ARAF: variants seen among roughly 807,000 people sequenced by gnomAD.
ARAF encodes the protein serine/threonine-protein kinase A-Raf.
ARAF carries 18 observed loss-of-function variants against 48.0 expected under a neutral mutation model. The ratio of observed to expected loss-of-function variants is 0.37; its 90% CI spans 0.26 to 0.56. The LOEUF (loss-of-function observed/expected upper bound fraction) is 0.56, where lower values mean the gene tolerates loss of function less well. ARAF is among the 20% of genes least tolerant of loss of function. ARAF has a pLI of 0.77. For synonymous variants in ARAF, 207 were observed against 220.1 expected (o/e 0.94, Z 0.53); for missense variants, 389 against 543.1 (o/e 0.72, Z 2.82).
chrX:47,570,631 C>T (rs1347468310), intron 14 of ARAF, among the ~76,000 whole-genome samples: 1 of 110,753 alleles, frequency 9.0e-6, no homozygotes, highest in Non-Finnish European at 1.9e-5. Flanking sequence ...CTCCTAGAAA[C>T]CCGTGGGCCT....
intron 3 of ARAF, 53 bp downstream of exon 3, chrX:47,563,382 T>A: frequency 1.1e-6 from 1 of 942,596 alleles, no homozygotes; most frequent in Non-Finnish European, 1.5e-6. Context: ...TCCCATCCCC[T>A]CCTCAGTCAT....
intron 1 of ARAF, among the ~76,000 whole-genome samples, chrX:47,562,378 A>G (rs1307583332): frequency 1.9e-5 from 2 of 107,602 alleles, no homozygotes; most frequent in Admixed American, 1.0e-4. Flanking sequence ...CCAGCTACTC[A>G]GGAGGCTGAG....
At chrX:47,564,723 G>A in intron 3 of ARAF, 74 bp from the exon 4 acceptor site, 1 of 841,956 alleles carries the variant, frequency 1.2e-6, no homozygotes, top group Non-Finnish European at 1.7e-6. Context: ...GGCTTGGAGG[G>A]ACTTGTGGGG....
In ARAF at chrX:47,567,035, C is replaced by T. The variant is rs780996530; in HGVS notation, c.777C>T (p.Ser259=). ...GSDGTPRGSP[S]PASVSSGRKS... is the part of the protein sequence containing the mutation. ...ATGGAACCCCCCGGGGGAGCCCCAG[C>T]CCAGCCAGCGTGTCCTCGGGGAGGA... is the stretch of plus-strand genomic sequence containing the variant. Residue 259 remains serine, a synonymous_variant, in exon 9 of 16, where the codon AGC becomes AGT. Transcript: ENST00000377045. The T allele has an allele frequency of 1.2e-5, 14 of 1,210,240 alleles. No homozygotes were observed. The highest frequency in any genetic ancestry group is 1.8e-5 in the South Asian group (1 of 56,867).
rs746691883 is a variant in ARAF, at chrX:47,566,898, T to A, written c.714T>A (p.Ser238Arg). 8.3e-7 allele frequency: 1 copy of A among 1,210,820 alleles called. No homozygotes were observed. Among genetic ancestry groups the A allele is most frequent in the Middle Eastern group, 2.3e-4 (1 of 4,352 alleles). The change falls in exon 8 of 16, where the codon AGT becomes AGA. Residue 238 changes from serine to arginine, a missense_variant. Transcript: ENST00000377045. ...DSNLIQLTGQ[S>R]FSTDAAGSRG... ...TCTTCTTCTAGCTCACTGGCCAGAG[T>A]TTCAGCACTGATGGTGAGTCCCCTG...
Position 47,563,280 on chromosome X carries a change from G to T in ARAF, c.151G>T (p.Val51Leu), listed in dbSNP as rs1214099265. The change falls in exon 3 of 16, where the codon GTG becomes TTG. Residue 51 changes from valine (V) to leucine (L), a missense_variant. Physicochemically the swap from Val to Leu is conservative, Grantham distance 32. Coordinates refer to ENST00000377045, the MANE Select transcript of ARAF (RefSeq NM_001654.5). The stretch of plus-strand genomic sequence containing the variant: ...CGACTCTCTAGACAAGGCCCTGAAG[G>T]TGCGGGGTCTAAATCAGGACTGCTG... ...VYDSLDKALKVRGLNQDCCVV... is the reference protein window; with the variant it reads ...VYDSLDKALKLRGLNQDCCVV... 1 of 1,211,220 alleles carries T rather than the reference G, an allele frequency of 8.3e-7. No individual in the cohort carries two copies. The highest frequency in any genetic ancestry group is 1.8e-5 in the South Asian group (1 of 56,691).
chrX:47,566,542 G>T, intron 6 of ARAF, 97 bp from the exon 7 acceptor site: 1 of 927,804 alleles, frequency 1.1e-6, no homozygotes, highest in Non-Finnish European at 1.4e-6. Context: ...CATTCGCTCT[G>T]TGTGAGCCAA....
In ARAF at chrX:47,566,682, GCCCCAGCCAATGC is replaced by G; in HGVS notation, c.606_618del (p.Ala203TyrfsTer85). ...TGACCCGGAGCACTTCCCCTTCCCT[GCCCCAGCCAATGC>G]CCCCCTACAGCGCATCCGCTCCACG... is the stretch of plus-strand genomic sequence containing the variant. On this transcript the variant is annotated frameshift_variant, in exon 7 of 16. Coordinates refer to ENST00000377045, the MANE Select transcript of ARAF (RefSeq NM_001654.5). LOFTEE classifies it high-confidence loss of function. 1 of 1,192,227 alleles carries G rather than the reference GCCCCAGCCAATGC, an allele frequency of 8.4e-7. No homozygotes were observed. Among genetic ancestry groups the G allele is most frequent in the Non-Finnish European group, 1.1e-6 (1 of 884,965 alleles).
intron 1 of ARAF, among the ~76,000 whole-genome samples, chrX:47,562,533 G>A (rs912967711): frequency 9.5e-6 from 1 of 105,055 alleles, no homozygotes; most frequent in Non-Finnish European, 2.0e-5. Context: ...AGGACATTCT[G>A]TTCGTGCTTC....
rs780124992 is a variant in ARAF at position 47,565,376 on chromosome X, G to T, written c.557+26G>T. ...GTAGGGATGCCTTAGCTGAAGAGCT[G>T]CTGGGGGAGAAAAAGATCTTGGGGC... On this transcript the variant is annotated intron_variant, in intron 6 of 15. Coordinates refer to ENST00000377045, the MANE Select transcript of ARAF (RefSeq NM_001654.5). 6 of 1,198,189 alleles carry T rather than the reference G, an allele frequency of 5.0e-6. 1 individual carries two copies. The South Asian group carries it at 5.4e-5, about 11-fold the overall frequency.
chrX:47,564,750 T>C, intron 3 of ARAF, 47 bp from the exon 4 acceptor site: 1 of 1,076,924 alleles, frequency 9.3e-7, no homozygotes, highest in East Asian at 3.3e-5. Context: ...TGCCTCCCCA[T>C]GGCCCCTACC....
At position 47,571,634 on chromosome X, in the gene ARAF, C is replaced by A; in HGVS notation, c.*177C>A. ...AGTTCTTCTGGAATTGGGGGACCCC[C>A]GCCAAAGACTGAGCCCCCTGTCTCC... On this transcript the variant is annotated 3_prime_UTR_variant, in exon 16 of 16. Transcript: ENST00000377045. The A allele has an allele frequency of 3.0e-6, 2 of 659,772 alleles. No individual in the cohort carries two copies. The highest frequency in any genetic ancestry group is 4.3e-6 in the Non-Finnish European group (2 of 462,377). The allele number at this position is 659,772 out of a possible 1,213,427, so 54.4% of individuals were successfully genotyped here.
Position 47,571,085 on chromosome X carries a change from T to G in ARAF, c.1686+73T>G, listed in dbSNP as rs2057753954. 14 of 1,123,656 alleles carry G rather than the reference T, an allele frequency of 1.2e-5. No homozygotes were observed. In the South Asian group the frequency reaches 2.2e-4, roughly 18 times the overall value. 92.6% of individuals were successfully genotyped at this position (1,123,656 alleles called of 1,213,427 possible). A position where few individuals can be genotyped will look rare whatever the true frequency, so the allele number is the denominator to read the frequency against. Reference sequence around the variant, plus strand: ...AGAGGAAGACTGAGATGGAGGCAGATGTGAATATGAAAGCTCAGAGGTATA... The same window carrying G: ...AGAGGAAGACTGAGATGGAGGCAGAGGTGAATATGAAAGCTCAGAGGTATA... On this transcript the variant is annotated intron_variant, in intron 15 of 15. Coordinates refer to ENST00000377045, the MANE Select transcript of ARAF (RefSeq NM_001654.5).
chrX:47,571,254 C>T, intron 15 of ARAF, 69 bp from the exon 16 acceptor site: 1 of 1,091,773 alleles, frequency 9.2e-7, no homozygotes, highest in Non-Finnish European at 1.2e-6. Context: ...TGTGTTTCGC[C>T]ATGAGGCTGG....
chrX:47,569,864 G>T (rs758512147), intron 13 of ARAF, 29 bp from the exon 14 acceptor site: 1 of 1,200,075 alleles, frequency 8.3e-7, no homozygotes. Flanking sequence ...GACCTCCGTG[G>T]TCCCCCTGCC....
chrX:47,569,137 A>G, intron 12 of ARAF, 104 bp downstream of exon 12: 1 of 1,025,654 alleles, frequency 9.7e-7, no homozygotes, highest in Non-Finnish European at 1.3e-6. Flanking sequence ...CATGTGTCCC[A>G]GAGCTCCTTG....
Position 47,567,418 on chromosome X carries a change from G to A in ARAF, c.1062G>A (p.Glu354=). 3 of 1,204,893 alleles carry A rather than the reference G, an allele frequency of 2.5e-6. No homozygotes were observed. The highest frequency in any genetic ancestry group is 3.4e-6 in the Non-Finnish European group (3 of 892,093). The part of the protein sequence containing the change: ...TAEQAQAFKN[E]MQVLRKTRHV... ...AGCAGGCCCAGGCTTTCAAGAATGA[G>A]ATGCAGGTGCTCAGGTGAGGTGGCA... is the stretch of plus-strand genomic sequence containing the variant. The change falls in exon 10 of 16, where the codon GAG becomes GAA. Residue 354 remains glutamate, a synonymous_variant. Transcript: ENST00000377045.
At position 47,565,064 on chromosome X, in the gene ARAF, G is replaced by A; in HGVS notation, c.383G>A (p.Cys128Tyr). 1 of 1,211,488 alleles carries A rather than the reference G, an allele frequency of 8.3e-7. No individual in the cohort carries two copies. The highest frequency in any genetic ancestry group is 1.1e-6 in the Non-Finnish European group (1 of 895,366). The change falls in exon 5 of 16, where the codon TGT becomes TAT. Residue 128 changes from cysteine to tyrosine, a missense_variant. By Grantham distance (194) the Cys-to-Tyr change is radical. Coordinates refer to ENST00000377045, the MANE Select transcript of ARAF (RefSeq NM_001654.5). Reference protein sequence around the residue: ...FLFHGFRCQTCGYKFHQHCSS... With the variant: ...FLFHGFRCQTYGYKFHQHCSS... ...TTCCATGGCTTCCGTTGCCAAACCT[G>A]TGGCTACAAGTTCCACCAGCATTGT...
chrX:47,566,593 G>A (rs769569122), intron 6 of ARAF, 46 bp from the exon 7 acceptor site: 3 of 1,127,031 alleles, frequency 2.7e-6, no homozygotes, highest in Non-Finnish European at 3.5e-6. Flanking sequence ...GGGCTTTCTC[G>A]GTTCTCTGAT....
Sources: allele counts gnomAD v4.1 joint callset (sites outside exome capture counted in the v4.1 genomes callset), GRCh38; gene constraint gnomAD v4.1.1; transcripts MANE v1.5; gene names NCBI Gene and HGNC (gene_info 2026-07-23, HGNC 2026-07-21).